ABCA13: variants seen among roughly 807,000 people sequenced by gnomAD.
ABCA13 encodes ATP binding cassette subfamily A member 13, also known as ATP-binding cassette sub-family A member 13.
Under a neutral mutation model 478.7 loss-of-function variants are expected in ABCA13, and 476 were observed. The ratio of observed to expected loss-of-function variants is 0.99; its 90% CI spans 0.92 to 1.07. The LOEUF (loss-of-function observed/expected upper bound fraction) is 1.07, where lower values mean the gene tolerates loss of function less well. ABCA13 is among the 50% of genes least tolerant of loss of function. The pLI is 0.00. For synonymous variants in ABCA13, 2,252 were observed against 2,158.9 expected (o/e 1.04, Z -1.20); for missense variants, 6,060 against 5,910.6 (o/e 1.03, Z -0.83).
chr7:48,520,238 C>T lies in ABCA13; in HGVS notation c.13995C>T (p.Gly4665=), dbSNP rs768969092. ...GWIFVQLASQ[G]TVLLLLRVLL... is the part of the protein sequence containing the mutation. ...TCTTCGTGCAACTGGCCTCGCAGGG[C>T]ACAGTACTTCTCCTCTTGAGGGTTC... Residue 4665 remains glycine (G), a synonymous_variant, in exon 53 of 62, where the codon GGC becomes GGT. Coordinates refer to ENST00000435803, the MANE Select transcript of ABCA13 (RefSeq NM_152701.5). 6.2e-6 allele frequency: 10 copies of T among 1,613,432 alleles called. No homozygotes were observed. In the East Asian group the frequency reaches 6.7e-5, roughly 11 times the overall value.
At chr7:48,518,226 T>G (rs575872470) in intron 52 of ABCA13, among the ~76,000 whole-genome samples, 3 of 152,294 alleles carry the variant, frequency 2.0e-5, no homozygotes, top group Admixed American at 2.0e-4. Flanking sequence ...ACAATTTCCC[T>G]CCTCCCTCAT....
chr7:48,179,211 G>T (rs900567597), intron 1 of ABCA13, among the ~76,000 whole-genome samples: 2 of 152,132 alleles, frequency 1.3e-5, no homozygotes, highest in Non-Finnish European at 1.5e-5. Context: ...TAATGTGAGA[G>T]ACCAGAGGCA....
At position 48,567,239 on chromosome 7, in the gene ABCA13, T is replaced by C. The variant is rs151055645; in HGVS notation, c.14355-12985T>C. On this transcript the variant is annotated intron_variant, in intron 55 of 61. Transcript: ENST00000435803. ...GAAGGCAGAAAGACCTTTTCCATTG[T>C]TGAATCCCTGTGTTCGCAGAGTGCT... Among the ~76,000 whole-genome samples, 228 of 152,330 alleles carry C rather than the reference T, an allele frequency of 1.5e-3. 3 individuals are homozygous for C. In the Middle Eastern group the frequency reaches 0.031, roughly 20 times the overall value.
At chr7:48,222,873 T>A (rs1787573139) in intron 5 of ABCA13, among the ~76,000 whole-genome samples, 1 of 152,082 alleles carries the variant, frequency 6.6e-6, no homozygotes. Flanking sequence ...TTGGACATTG[T>A]GTCAAGCAGA....
At chr7:48,331,736 T>C (rs1450131846) in intron 27 of ABCA13, among the ~76,000 whole-genome samples, 2 of 152,170 alleles carry the variant, frequency 1.3e-5, no homozygotes, top group Admixed American at 6.5e-5. Flanking sequence ...TGTCTTCCAA[T>C]TTCCCATTTT....
chr7:48,317,496 GA>G (rs1200347871), intron 27 of ABCA13, among the ~76,000 whole-genome samples, 200 bp downstream of exon 27: 1 of 152,164 alleles, frequency 6.6e-6, no homozygotes, highest in Non-Finnish European at 1.5e-5. Flanking sequence ...TCCCTTAGAG[GA>G]CACTTTGGGG....
chr7:48,321,882 A>T (rs1451315059), intron 27 of ABCA13, among the ~76,000 whole-genome samples: 2 of 152,178 alleles, frequency 1.3e-5, no homozygotes, highest in East Asian at 3.9e-4. Flanking sequence ...GACGAGGCAC[A>T]TGGCTGTGGG....
intron 37 of ABCA13, among the ~76,000 whole-genome samples, 178 bp downstream of exon 37, chr7:48,389,398 C>G (rs1251729623): frequency 6.6e-6 from 1 of 152,124 alleles, no homozygotes; most frequent in Non-Finnish European, 1.5e-5. Flanking sequence ...GAGAGAGGCC[C>G]TATGTCTTCA....
intron 55 of ABCA13, among the ~76,000 whole-genome samples, chr7:48,576,196 C>T (rs7785482): frequency 0.054 from 8,271 of 152,094 alleles, 255 homozygotes; most frequent in South Asian, 0.085. Context: ...CCTAGACCCA[C>T]CCCCCATGGA....
chr7:48,304,833 T>C (rs1020906089), intron 23 of ABCA13, among the ~76,000 whole-genome samples: 1 of 152,202 alleles, frequency 6.6e-6, no homozygotes, highest in African/African-American at 2.4e-5. Flanking sequence ...AAGGACACCA[T>C]TGGCACTGCC....
At chr7:48,565,536 C>G (rs991789195) in intron 55 of ABCA13, among the ~76,000 whole-genome samples, 2 of 151,762 alleles carry the variant, frequency 1.3e-5, no homozygotes, top group African/African-American at 4.8e-5. Context: ...GTGTGTGTAC[C>G]TTTAAACCGG....
intron 45 of ABCA13, among the ~76,000 whole-genome samples, chr7:48,479,914 C>T (rs549270860): frequency 1.3e-5 from 2 of 152,180 alleles, no homozygotes; most frequent in Non-Finnish European, 2.9e-5. Context: ...TTTTCATTTT[C>T]ATTTTGCAAA....
At chr7:48,321,183 C>T (rs547822273) in intron 27 of ABCA13, among the ~76,000 whole-genome samples, 1 of 152,298 alleles carries the variant, frequency 6.6e-6, no homozygotes, top group Admixed American at 6.5e-5. Context: ...GGAGGCGCTG[C>T]TGGCATCTGG....
At chr7:48,270,785 G>T (rs1188089680) in intron 16 of ABCA13, among the ~76,000 whole-genome samples, 1 of 152,116 alleles carries the variant, frequency 6.6e-6, no homozygotes, top group Non-Finnish European at 1.5e-5. Context: ...AGAGCAGAGG[G>T]TTAAAAAACT....
At position 48,274,771 on chromosome 7, in the gene ABCA13, G is replaced by T; in HGVS notation, c.5105G>T (p.Gly1702Val). The T allele has an allele frequency of 6.2e-7, 1 of 1,613,960 alleles. No individual in the cohort carries two copies. The highest frequency in any genetic ancestry group is 8.5e-7 in the Non-Finnish European group (1 of 1,179,848). ...AAGAATATCAGTAGTGTGGGAACTG[G>T]CAATTTAGTGGTCAATTTGCTTGTT... The part of the protein sequence containing the change: ...FFKNISSVGT[G>V]NLVVNLLVGL... Residue 1702 changes from glycine to valine, a missense_variant, in exon 17 of 62, where the codon GGC (glycine) becomes GTC (valine). Coordinates refer to ENST00000435803, the MANE Select transcript of ABCA13 (RefSeq NM_152701.5).
At chr7:48,479,528 C>T (rs78501712) in intron 45 of ABCA13, among the ~76,000 whole-genome samples, 2 of 152,114 alleles carry the variant, frequency 1.3e-5, no homozygotes, top group South Asian at 2.1e-4. Context: ...GTGAGCCCCT[C>T]GACTGGCTCT....
At chr7:48,251,380 T>C (rs562833791) in intron 15 of ABCA13, among the ~76,000 whole-genome samples, 2 of 152,226 alleles carry the variant, frequency 1.3e-5, no homozygotes, top group African/African-American at 4.8e-5. Flanking sequence ...TCTTGTTTAA[T>C]CCTCATTCAA....
intron 55 of ABCA13, among the ~76,000 whole-genome samples, chr7:48,567,900 TTTTA>T (rs1787238920): frequency 6.6e-6 from 1 of 152,152 alleles, no homozygotes. Context: ...GTTGCAATAG[TTTTA>T]TTGTCATTAA....
chr7:48,605,612 T>C (rs761665147), intron 58 of ABCA13, among the ~76,000 whole-genome samples: 80 of 152,346 alleles, frequency 5.3e-4, no homozygotes, highest in Non-Finnish European at 1.0e-3. Flanking sequence ...CCTTTTTGGG[T>C]AACCCGACTT....
Sources: gnomAD v4.1 joint callset for allele counts (sites outside exome capture counted in the v4.1 genomes callset) on GRCh38, gnomAD v4.1.1 for gene constraint, MANE v1.5 for transcripts, NCBI Gene and HGNC (gene_info 2026-07-23, HGNC 2026-07-21) for gene names.